Variants in ACVR1 observed in about 807,000 individuals in gnomAD.
The protein encoded by ACVR1 is activin A receptor type 1.
ACVR1 carries 38 observed loss-of-function variants against 57.1 expected under a neutral mutation model. That is an observed-to-expected ratio of 0.67 (90% CI 0.51 to 0.87). The LOEUF is 0.87. ACVR1 is among the 40% of genes least tolerant of loss of function. The pLI is 0.00. For missense variants in ACVR1, 463 were observed against 638.2 expected (o/e 0.73, Z 2.96); for synonymous variants, 212 against 228.1 (o/e 0.93, Z 0.63).
At chr2:157,775,458 C>G (rs1686245170) in intron 5 of ACVR1, among the ~76,000 whole-genome samples, 1 of 152,186 alleles carries the variant, frequency 6.6e-6, no homozygotes, top group African/African-American at 2.4e-5. Context: ...CTCATCCTTT[C>G]CCAAACATTT....
intron 3 of ACVR1, 24 bp from the exon 4 acceptor site, chr2:157,780,624 G>GAAA: frequency 2.4e-6 from 3 of 1,229,394 alleles, no homozygotes; most frequent in South Asian, 1.4e-5. Flanking sequence ...AAAGGAAGGG[G>GAAA]AAAAAAAAAA....
intron 1 of ACVR1, among the ~76,000 whole-genome samples, chr2:157,861,454 C>T (rs10201181): frequency 0.68 from 102,950 of 152,090 alleles, 39,534 homozygotes; most frequent in Non-Finnish European, 0.86. Context: ...GATTCTATGC[C>T]ATCATTGCAT....
At chr2:157,777,477 T>C (rs1391645836) in intron 5 of ACVR1, among the ~76,000 whole-genome samples, 1 of 152,238 alleles carries the variant, frequency 6.6e-6, no homozygotes, top group Admixed American at 6.5e-5. Flanking sequence ...AGATGGTATG[T>C]ATTTGGTTGA....
chr2:157,819,869 A>T (rs535836238), intron 1 of ACVR1, among the ~76,000 whole-genome samples: 1 of 152,238 alleles, frequency 6.6e-6, no homozygotes, highest in Non-Finnish European at 1.5e-5. Flanking sequence ...AAACTTTCCC[A>T]TTCAAATAGT....
At chr2:157,873,412 A>G (rs2105392258) in intron 1 of ACVR1, among the ~76,000 whole-genome samples, 1 of 152,342 alleles carries the variant, frequency 6.6e-6, no homozygotes, top group Middle Eastern at 3.4e-3. Context: ...CTATCCTGTC[A>G]TTAAAGCCAC....
intron 1 of ACVR1, among the ~76,000 whole-genome samples, chr2:157,858,589 G>A (rs1436203469): frequency 6.6e-6 from 1 of 151,804 alleles, no homozygotes; most frequent in East Asian, 1.9e-4. Context: ...CTCCTGCCTC[G>A]GCCTCCCAAC....
At chr2:157,863,899 G>A (rs1354505550) in intron 1 of ACVR1, among the ~76,000 whole-genome samples, 9 of 131,650 alleles carry the variant, frequency 6.8e-5, no homozygotes, top group East Asian at 2.2e-4. Flanking sequence ...ATGGAGTCTC[G>A]CTCTGTCACC....
At position 157,801,695 on chromosome 2, in the gene ACVR1, TTTAA is replaced by T. The variant is rs564557183; in HGVS notation, c.-7-2199_-7-2196del. Among the ~76,000 whole-genome samples the T allele has an allele frequency of 3.3e-3, 499 of 152,354 alleles. 3 individuals are homozygous for T. Among genetic ancestry groups the T allele is most frequent in the African/African-American group, 0.011 (475 of 41,592 alleles). On this transcript the variant is annotated intron_variant, in intron 2 of 10. Transcript: ENST00000434821. ...CAACACCTTAAATATTTTATCCTTA[TTTAA>T]TTGCTATTTTATGTATGTTTTATAA...
At chr2:157,861,420 G>A (rs1393605985) in intron 1 of ACVR1, among the ~76,000 whole-genome samples, 1 of 152,166 alleles carries the variant, frequency 6.6e-6, no homozygotes, top group Non-Finnish European at 1.5e-5. Context: ...TGTGGTTGGG[G>A]ACCTTCAGCA....
At chr2:157,821,362 C>T (rs372891533) in intron 1 of ACVR1, among the ~76,000 whole-genome samples, 64 of 152,006 alleles carry the variant, frequency 4.2e-4, no homozygotes, top group African/African-American at 1.5e-3. Flanking sequence ...CCTGTCTCTA[C>T]CAAAAATACA....
chr2:157,780,550 G>C lies in ACVR1; in HGVS notation c.118C>G (p.Leu40Val). The change falls in exon 4 of 11, where the codon CTC becomes GTC. Residue 40 changes from leucine to valine, a missense_variant. Coordinates refer to ENST00000434821, the MANE Select transcript of ACVR1 (RefSeq NM_001111067.4). ...CAGTGGTCCTCATTACCGCAGGAGA[G>C]ACCTTCACACACACACATGTAGAGT... is the stretch of plus-strand genomic sequence containing the variant. Reference protein sequence around the residue: ...PKLYMCVCEGLSCGNEDHCEG... With the variant: ...PKLYMCVCEGVSCGNEDHCEG... The C allele has an allele frequency of 1.2e-6, 2 of 1,613,694 alleles. No individual in the cohort carries two copies. The highest frequency in any genetic ancestry group is 8.5e-7 in the Non-Finnish European group (1 of 1,179,990).
intron 1 of ACVR1, among the ~76,000 whole-genome samples, chr2:157,841,090 A>T (rs1295713704): frequency 2.6e-5 from 4 of 152,248 alleles, no homozygotes; most frequent in Non-Finnish European, 4.4e-5. Context: ...TATGAAATGT[A>T]CATACATGCT....
chr2:157,873,138 C>G (rs996903679), intron 1 of ACVR1, among the ~76,000 whole-genome samples: 3 of 152,070 alleles, frequency 2.0e-5, no homozygotes, highest in African/African-American at 7.2e-5. Flanking sequence ...GTAAGTGGGA[C>G]TCAGCCATGG....
intron 2 of ACVR1, among the ~76,000 whole-genome samples, chr2:157,817,460 T>C (rs1008356440): frequency 3.3e-5 from 5 of 152,150 alleles, no homozygotes; most frequent in African/African-American, 9.7e-5. Flanking sequence ...GGTAGATGCA[T>C]GTCATTACTC....
At chr2:157,786,851 C>T (rs2105289599) in intron 3 of ACVR1, among the ~76,000 whole-genome samples, 1 of 152,204 alleles carries the variant, frequency 6.6e-6, no homozygotes, top group South Asian at 2.1e-4. Flanking sequence ...GAAAAAGCTG[C>T]CCCTGCTCCT....
chr2:157,738,478 G>A lies in ACVR1; in HGVS notation c.1357C>T (p.Gln453Ter). The A allele has an allele frequency of 6.2e-7, 1 of 1,614,050 alleles. No individual in the cohort carries two copies. Among genetic ancestry groups the A allele is most frequent in the Non-Finnish European group, 8.5e-7 (1 of 1,179,956 alleles). ...CATCTGTTGGGTATGTTTGGCCTTT[G>A]TTGATCCACACAGACTACCTTCCTC... ...DMRKVVCVDQ[Q>*]RPNIPNRWFS... The change falls in exon 10 of 11, where the codon CAA (glutamine) becomes TAA (stop). Residue 453 changes from glutamine to a stop codon, truncating the protein, a stop_gained. Transcript: ENST00000434821. LOFTEE classifies it high-confidence loss of function.
intron 9 of ACVR1, among the ~76,000 whole-genome samples, chr2:157,751,911 T>C (rs1685207258): frequency 6.6e-6 from 1 of 152,160 alleles, no homozygotes; most frequent in South Asian, 2.1e-4. Flanking sequence ...TTGGGAGTTC[T>C]ATGGCCCTGC....
intron 1 of ACVR1, among the ~76,000 whole-genome samples, chr2:157,842,475 A>C (rs1198377515): frequency 5.9e-5 from 9 of 152,158 alleles, no homozygotes; most frequent in Non-Finnish European, 1.3e-4. Context: ...AAATGCAATC[A>C]AGTTCCTGCC....
In ACVR1 at chr2:157,799,495, G is replaced by A. The variant is rs754213970; in HGVS notation, c.-2C>T. The A allele has an allele frequency of 1.2e-6, 2 of 1,609,186 alleles. No individual in the cohort carries two copies. The highest frequency in any genetic ancestry group is 4.5e-5 in the East Asian group (2 of 44,728). ...AAGAATCATCACTCCATCTACCATT[G>A]TACAACTGTAAAGGGAAAAGAAGAG... On this transcript the variant is annotated 5_prime_UTR_variant, in exon 3 of 11. Coordinates refer to ENST00000434821, the MANE Select transcript of ACVR1 (RefSeq NM_001111067.4).
Sources: gnomAD v4.1 joint callset for allele counts (sites outside exome capture counted in the v4.1 genomes callset) on GRCh38, gnomAD v4.1.1 for gene constraint, MANE v1.5 for transcripts, NCBI Gene and HGNC (gene_info 2026-07-23, HGNC 2026-07-21) for gene names.